Variants in HEATR9 observed in about 807,000 individuals in gnomAD.
The protein encoded by HEATR9 is HEAT repeat containing 9, also known as protein HEATR9.
A neutral mutation model predicts 68.2 loss-of-function variants in HEATR9; 54 were observed. The ratio of observed to expected loss-of-function variants is 0.79; its 90% CI spans 0.64 to 0.99. The LOEUF (loss-of-function observed/expected upper bound fraction) is 0.99, where lower values mean the gene tolerates loss of function less well. Ranked by LOEUF, HEATR9 falls within the 50% of genes least tolerant of loss-of-function variation. The probability of loss-of-function intolerance (pLI) is 0.00; values close to 1 mark genes in which losing one functional copy is unlikely to be tolerated. For synonymous variants in HEATR9, 241 were observed against 253.5 expected (o/e 0.95, Z 0.47); for missense variants, 662 against 679.7 (o/e 0.97, Z 0.29).
intron 14 of HEATR9, 120 bp downstream of exon 14, chr17:35,855,544 A>AGT (rs1292640491): frequency 1.6e-6 from 2 of 1,285,786 alleles, no homozygotes; most frequent in East Asian, 4.6e-5. Context: ...GTCAAGGGAC[A>AGT]GTGTCTAAGG....
chr17:35,863,273 G>T, intron 7 of HEATR9, 148 bp from the exon 8 acceptor site: 1 of 1,152,976 alleles, frequency 8.7e-7, no homozygotes, highest in South Asian at 1.4e-5. Context: ...TACCAGGGCA[G>T]CTGGCTGAAT....
In HEATR9 at chr17:35,859,098, G is replaced by T. The variant is rs758947635; in HGVS notation, c.757-28C>A. 8.1e-6 allele frequency: 13 copies of T among 1,603,510 alleles called. No individual in the cohort carries two copies. The East Asian group carries it at 2.9e-4, about 36-fold the overall frequency. On this transcript the variant is annotated intron_variant, in intron 8 of 14. Coordinates refer to ENST00000604834, the MANE Select transcript of HEATR9 (RefSeq NM_152781.4). ...GTGAGGGAGACAAAATGGCTAAGGGGAGGGGCTATGTACTTTATGCCAGGC... is the reference window on the plus strand; with the variant it reads ...GTGAGGGAGACAAAATGGCTAAGGGTAGGGGCTATGTACTTTATGCCAGGC...
Position 35,858,310 on chromosome 17 carries a change from C to A in HEATR9, c.1042G>T (p.Glu348Ter). The change falls in exon 11 of 15, where the codon GAA becomes TAA. Residue 348 changes from glutamate to a stop codon, truncating the protein, a stop_gained. Transcript: ENST00000604834. LOFTEE classifies it high-confidence loss of function. Reference protein sequence around the residue: ...CSSSVLEDRFEATQMLKTIGL... With the variant: ...CSSSVLEDRF ...ATGGTCTTGAGCATTTGGGTGGCTT[C>A]AAAGCGGTCCTGAGGTCGGGGGTGA... The A allele has an allele frequency of 6.2e-7, 1 of 1,614,126 alleles. No individual in the cohort carries two copies. Among genetic ancestry groups the A allele is most frequent in the Non-Finnish European group, 8.5e-7 (1 of 1,180,010 alleles).
chr17:35,856,551 A>C (rs28455178), intron 12 of HEATR9, among the ~76,000 whole-genome samples, 181 bp downstream of exon 12: 132 of 152,272 alleles, frequency 8.7e-4, no homozygotes, highest in African/African-American at 3.0e-3. Flanking sequence ...GATGAACAAA[A>C]GCTCAGGGGT....
In HEATR9 at chr17:35,863,029, G is replaced by A; in HGVS notation, c.722C>T (p.Ala241Val). The A allele has an allele frequency of 6.2e-7, 1 of 1,614,196 alleles. No individual in the cohort carries two copies. Among genetic ancestry groups the A allele is most frequent in the Non-Finnish European group, 8.5e-7 (1 of 1,180,036 alleles). ...RMETLTGLRM[A>V]LNSWAAVSKD... ...AGAGACAGCAGCCCAGGAGTTAAGA[G>A]CCATTCGTAGCCCCGTCAAAGTCTC... The change falls in exon 8 of 15, where the codon GCT (alanine) becomes GTT (valine). Residue 241 changes from alanine to valine, a missense_variant. Transcript: ENST00000604834.
chr17:35,855,851 A>G (rs2087752401), intron 13 of HEATR9, 101 bp from the exon 14 acceptor site: 2 of 1,011,136 alleles, frequency 2.0e-6, no homozygotes, highest in African/African-American at 1.6e-5. Flanking sequence ...CAGCATAGAG[A>G]GGGGGGAGAT....
Position 35,868,704 on chromosome 17 carries a change from G to A in HEATR9, c.39C>T (p.Ser13=). Residue 13 remains serine (S), a synonymous_variant, in exon 1 of 15, where the codon TCC becomes TCT. Transcript: ENST00000604834. ...GCCATGGGTACAGGAACATTGACCT[G>A]GAGACATCAGAGATATCAGTTGATT... The part of the protein sequence containing the change: ...YEKSTDISDV[S]RSMFLYPWLE... 6.2e-7 allele frequency: 1 copy of A among 1,614,208 alleles called. No homozygotes were observed. The highest frequency in any genetic ancestry group is 8.5e-7 in the Non-Finnish European group (1 of 1,180,036).
At chr17:35,856,417 C>A in intron 12 of HEATR9, 193 bp from the exon 13 acceptor site, 1 of 1,435,798 alleles carries the variant, frequency 7.0e-7, no homozygotes, top group Non-Finnish European at 9.5e-7. Flanking sequence ...CCAGGAGGCA[C>A]TGAATGATGA....
chr17:35,856,866 C>T, intron 11 of HEATR9, 61 bp from the exon 12 acceptor site: 1 of 1,405,358 alleles, frequency 7.1e-7, no homozygotes, highest in East Asian at 2.4e-5. Context: ...CACTTAAGAG[C>T]CTCTCAAATC....
In HEATR9 at chr17:35,866,741, G is replaced by A. The variant is rs550630051; in HGVS notation, c.121C>T (p.Pro41Ser). The A allele has an allele frequency of 5.4e-5, 87 of 1,614,098 alleles. 2 individuals are homozygous for A. The South Asian group carries it at 9.3e-4, about 17-fold the overall frequency. Residue 41 changes from proline (P) to serine (S), a missense_variant, in exon 2 of 15, where the codon CCC becomes TCC. Pro to Ser is a moderately conservative substitution (Grantham distance 74, BLOSUM62 -1). Coordinates refer to ENST00000604834, the MANE Select transcript of HEATR9 (RefSeq NM_152781.4). ...LRKAMAPVHL[P>S]LSCYQMPKEE... ...GGTCTTACCTGGTAGCAGGACAAGG[G>A]CAGATGAACAGGAGCCATGGCTTTT... is the stretch of plus-strand genomic sequence containing the variant.
intron 8 of HEATR9, among the ~76,000 whole-genome samples, chr17:35,860,638 C>T (rs1273823318): frequency 6.6e-6 from 1 of 150,768 alleles, no homozygotes; most frequent in South Asian, 2.1e-4. Flanking sequence ...TACAGGCGCC[C>T]GCCAGCACAC....
chr17:35,860,907 G>T (rs559628268), intron 8 of HEATR9, among the ~76,000 whole-genome samples: 2 of 152,108 alleles, frequency 1.3e-5, no homozygotes, highest in Non-Finnish European at 2.9e-5. Flanking sequence ...TTAGCCGGGC[G>T]TGGTGGCACA....
In HEATR9 at chr17:35,864,465, A is replaced by G. The variant is rs1225442816; in HGVS notation, c.510+32T>C. ...TCCAGCTTGGCCAACTCCTGGCTGT[A>G]ACCACCCTCCTCTATCCTTGCCTCT... On this transcript the variant is annotated intron_variant, in intron 5 of 14. Coordinates refer to ENST00000604834, the MANE Select transcript of HEATR9 (RefSeq NM_152781.4). 1.1e-5 allele frequency: 17 copies of G among 1,609,020 alleles called. 1 individual carries two copies. In the Middle Eastern group the frequency reaches 2.5e-3, roughly 237 times the overall value.
At chr17:35,862,162 C>T (rs1019688070) in intron 8 of HEATR9, among the ~76,000 whole-genome samples, 38 of 152,058 alleles carry the variant, frequency 2.5e-4, no homozygotes, top group African/African-American at 7.3e-4. Flanking sequence ...TTGTGAGCCA[C>T]CACGCCTGGC....
Position 35,856,100 on chromosome 17 carries a change from T to C in HEATR9, c.1278+73A>G, listed in dbSNP as rs191566525. Reference sequence around the variant, plus strand: ...GTTTACAGGCCTTTATTCCCCTCAGTGACTCTGCTCAATCGCCTACTCCCC... The same window carrying C: ...GTTTACAGGCCTTTATTCCCCTCAGCGACTCTGCTCAATCGCCTACTCCCC... On this transcript the variant is annotated intron_variant, in intron 13 of 14. Transcript: ENST00000604834. 9.7e-5 allele frequency: 143 copies of C among 1,479,404 alleles called. 1 individual carries two copies. In the East Asian group the frequency reaches 1.7e-3, roughly 18 times the overall value. The allele number at this position is 1,479,404 out of a possible 1,614,324, so 91.6% of individuals were successfully genotyped here.
chr17:35,860,766 G>A (rs1031413242), intron 8 of HEATR9, among the ~76,000 whole-genome samples: 1 of 151,976 alleles, frequency 6.6e-6, no homozygotes, highest in African/African-American at 2.4e-5. Flanking sequence ...TGGGATTACA[G>A]GTGTGAACCA....
Position 35,865,390 on chromosome 17 carries a change from TTGGCATC to T in HEATR9, c.139-1_144del. On this transcript the variant is annotated splice_acceptor_variant and coding_sequence_variant, in exon 3 of 15. Transcript: ENST00000604834. LOFTEE classifies it high-confidence loss of function. ...TCTGGACTTGGGGGAAACTCTTCCT[TTGGCATC>T]TGGGGGTTGCAAGTGGCAGAACAGT... The T allele has an allele frequency of 1.2e-6, 2 of 1,612,680 alleles. No individual in the cohort carries two copies. Among genetic ancestry groups the T allele is most frequent in the Non-Finnish European group, 1.7e-6 (2 of 1,179,684 alleles).
chr17:35,854,973 T>G lies in HEATR9; in HGVS notation c.*90A>C. On this transcript the variant is annotated 3_prime_UTR_variant, in exon 15 of 15. Transcript: ENST00000604834. ...TGGTAGGTAGAGTGACACTTGTTTA[T>G]TCACGGAAGATAAGTATAGATTGTT... 1 of 1,059,268 alleles carries G rather than the reference T, an allele frequency of 9.4e-7. No individual in the cohort carries two copies. The allele number at this position is 1,059,268 out of a possible 1,614,324, so 65.6% of individuals were successfully genotyped here.
chr17:35,857,409 A>G (rs1748794750), intron 11 of HEATR9, among the ~76,000 whole-genome samples: 2 of 152,180 alleles, frequency 1.3e-5, no homozygotes, highest in Admixed American at 1.3e-4. Flanking sequence ...GCCAATAGAA[A>G]GTTTTATGCA....
Sources: allele counts gnomAD v4.1 joint callset (sites outside exome capture counted in the v4.1 genomes callset), GRCh38; gene constraint gnomAD v4.1.1; transcripts MANE v1.5; gene names NCBI Gene and HGNC (gene_info 2026-07-23, HGNC 2026-07-21).